BCAR1: variants seen among roughly 807,000 people sequenced by gnomAD.
BCAR1 encodes breast cancer anti-estrogen resistance protein 1.
A neutral mutation model predicts 67.6 loss-of-function variants in BCAR1; 30 were observed. The observed-to-expected ratio is 0.44, with a 90% confidence interval of 0.33 to 0.60. The LOEUF (loss-of-function observed/expected upper bound fraction) is 0.60. Among genes scored for constraint, BCAR1 ranks in the 20% least tolerant of loss-of-function variants. BCAR1 has a pLI of 0.02. For synonymous variants in BCAR1, 626 were observed against 556.7 expected, an observed-to-expected ratio of 1.12 and a Z score of -1.75; for missense variants, 1,313 against 1,222.3, an observed-to-expected ratio of 1.07 and a Z score of -1.11.
chr16:75,245,579 C>T (rs985183379), intron 1 of BCAR1, among the ~76,000 whole-genome samples: 21 of 152,354 alleles, frequency 1.4e-4, no homozygotes, highest in African/African-American at 4.8e-4. Flanking sequence ...CCTCACAGCC[C>T]AGCCCTGCCA....
At chr16:75,266,651 T>A in intron 1 of BCAR1, 2 of 1,179,666 alleles carry the variant, frequency 1.7e-6, no homozygotes, top group South Asian at 3.1e-5. Flanking sequence ...GCTCCACTCC[T>A]GCCAGGCAGG....
upstream of BCAR1, chr16:75,252,001 G>A: frequency 1.6e-6 from 1 of 630,534 alleles, no homozygotes; most frequent in Non-Finnish European, 2.7e-6. Context: ...AAGTCGACTT[G>A]TCTTTCCCGC....
At chr16:75,247,869 A>T in intron 1 of BCAR1, 1 of 628,154 alleles carries the variant, frequency 1.6e-6, no homozygotes. Flanking sequence ...AATGGCAAGA[A>T]CTCCTGTTCT....
In BCAR1 at chr16:75,264,530, A is replaced by G. The variant is rs941649757; in HGVS notation, c.66+3385T>C. The stretch of plus-strand genomic sequence containing the variant: ...TGTCTTCCTTCTTTCTGAAGACGAG[A>G]CGATTATGCTCTGAACCAGAACGGA... On this transcript the variant is annotated intron_variant, in intron 1 of 6. Transcript: ENST00000393422. 2.2e-5 allele frequency: 31 copies of G among 1,405,264 alleles called. No individual in the cohort carries two copies. The Admixed American group carries it at 8.9e-4, about 41-fold the overall frequency. The allele number at this position is 1,405,264 out of a possible 1,614,324, so 87.0% of individuals were successfully genotyped here.
At chr16:75,265,079 CG>C (rs1311437744) in intron 1 of BCAR1, 1 of 152,466 alleles carries the variant, frequency 6.6e-6, no homozygotes, top group Non-Finnish European at 1.5e-5. Flanking sequence ...AAACATGGCC[CG>C]GGGGTCTGCC....
intron 1 of BCAR1, chr16:75,264,102 G>C (rs2077957783): frequency 7.9e-7 from 1 of 1,263,110 alleles, no homozygotes. Context: ...CCCCACGACA[G>C]TGCCTATCTG....
chr16:75,234,139 T>C (rs1160080477), intron 5 of BCAR1, among the ~76,000 whole-genome samples: 2 of 142,348 alleles, frequency 1.4e-5, no homozygotes, highest in African/African-American at 5.3e-5. Context: ...ACACACAGAC[T>C]GGCACGTGCA....
intron 1 of BCAR1, among the ~76,000 whole-genome samples, chr16:75,244,153 C>T (rs924567439): frequency 6.6e-6 from 1 of 152,244 alleles, no homozygotes; most frequent in African/African-American, 2.4e-5. Flanking sequence ...CCCCACCAGC[C>T]TGGCCTCAGC....
intron 1 of BCAR1, among the ~76,000 whole-genome samples, chr16:75,261,890 C>A (rs2077914539): frequency 6.6e-6 from 1 of 152,234 alleles, no homozygotes; most frequent in Non-Finnish European, 1.5e-5. Context: ...CCAACCATGG[C>A]CACATGAAGA....
chr16:75,239,459 G>C (rs552353230), intron 2 of BCAR1, among the ~76,000 whole-genome samples: 2 of 152,158 alleles, frequency 1.3e-5, no homozygotes, highest in African/African-American at 4.8e-5. Flanking sequence ...GGGGACAAGC[G>C]AACTCAGGAA....
At chr16:75,259,781 G>A (rs1367358454) in intron 1 of BCAR1, among the ~76,000 whole-genome samples, 1 of 151,034 alleles carries the variant, frequency 6.6e-6, no homozygotes, top group Admixed American at 6.6e-5. Context: ...GAACCTAGGA[G>A]GTGGAGGTTG....
At chr16:75,246,126 A>T in intron 1 of BCAR1, 1 of 151,792 alleles carries the variant, frequency 6.6e-6, no homozygotes, top group South Asian at 2.1e-4. Context: ...CTACAGGCAT[A>T]CACCACCACG....
chr16:75,233,953 G>T lies in BCAR1; in HGVS notation c.2011-18C>A. The T allele has an allele frequency of 6.3e-7, 1 of 1,586,272 alleles. No homozygotes were observed. Among genetic ancestry groups the T allele is most frequent in the Non-Finnish European group, 8.6e-7 (1 of 1,165,098 alleles). ...TCCTTCCCCTGGAGGGCAGAGACAG[G>T]GGCTGCGCTGAGGCCAGTTTTCTGA... On this transcript the variant is annotated intron_variant, in intron 5 of 6. Transcript: ENST00000162330.
At chr16:75,252,943 C>G (rs1052110892), upstream of BCAR1, among the ~76,000 whole-genome samples, 1 of 152,188 alleles carries the variant, frequency 6.6e-6, no homozygotes, top group African/African-American at 2.4e-5. Context: ...GTGTCCCACC[C>G]CTCCCAAAAA....
At chr16:75,242,179 C>T (rs958367362) in intron 2 of BCAR1, among the ~76,000 whole-genome samples, 29 of 152,252 alleles carry the variant, frequency 1.9e-4, no homozygotes, top group Non-Finnish European at 1.9e-4. Flanking sequence ...TGCCAAGCCC[C>T]GCCTGCCCAC....
At chr16:75,241,668 T>C (rs1190733565) in intron 2 of BCAR1, among the ~76,000 whole-genome samples, 1 of 152,218 alleles carries the variant, frequency 6.6e-6, no homozygotes, top group Admixed American at 6.5e-5. Flanking sequence ...CCTCCGGCCA[T>C]GCCTCCTGGG....
chr16:75,266,720 A>G (rs1597298562), intron 1 of BCAR1: 2 of 1,418,618 alleles, frequency 1.4e-6, no homozygotes, highest in East Asian at 5.3e-5. Context: ...TCACCCACTC[A>G]AAGGAAGGAC....
chr16:75,247,917 T>C, intron 1 of BCAR1: 1 of 733,034 alleles, frequency 1.4e-6, no homozygotes, highest in Admixed American at 1.8e-5. Flanking sequence ...GACAAGGAAA[T>C]GGGTAATAGT....
chr16:75,264,098 G>A (rs1196689142), intron 1 of BCAR1: 7 of 1,252,296 alleles, frequency 5.6e-6, no homozygotes, highest in Non-Finnish European at 5.0e-6. Flanking sequence ...AGGTCCCCAC[G>A]ACAGTGCCTA....
Sources: allele counts gnomAD v4.1 joint callset (sites outside exome capture counted in the v4.1 genomes callset), GRCh38; gene constraint gnomAD v4.1.1; transcripts MANE v1.5; gene names NCBI Gene and HGNC (gene_info 2026-07-23, HGNC 2026-07-21).